RNF115: variants seen among roughly 807,000 people sequenced by gnomAD.
RNF115 encodes ring finger protein 115.
In RNF115, 31 loss-of-function variants were observed where a neutral mutation model predicts 39.2. That is an observed-to-expected ratio of 0.79 (90% CI 0.59 to 1.07). The LOEUF (loss-of-function observed/expected upper bound fraction) is 1.07. Ranked by LOEUF, RNF115 falls within the 50% of genes least tolerant of loss-of-function variation. The pLI, the probability that RNF115 is intolerant of heterozygous loss-of-function variation, is 0.00. For missense variants in RNF115, 384 were observed against 381.7 expected (o/e 1.01, Z -0.05); for synonymous variants, 124 against 131.0 (o/e 0.95, Z 0.37).
At position 145,751,524 on chromosome 1, in the gene RNF115, G is replaced by A. The variant is rs782464079; in HGVS notation, c.501-14C>T. The A allele has an allele frequency of 6.3e-7, 1 of 1,579,048 alleles. No homozygotes were observed. Among genetic ancestry groups the A allele is most frequent in the South Asian group, 1.1e-5 (1 of 87,026 alleles). On this transcript the variant is annotated splice_polypyrimidine_tract_variant and intron_variant, in intron 5 of 8. Coordinates refer to ENST00000582693, the MANE Select transcript of RNF115 (RefSeq NM_014455.4). ...AGCATCCCGCTCCTATACGTGAGAT[G>A]AGATAGACAGCATTAGATGGAGTGA...
At chr1:145,755,939 C>T (rs1027770427) in intron 4 of RNF115, among the ~76,000 whole-genome samples, 2 of 152,084 alleles carry the variant, frequency 1.3e-5, no homozygotes. Flanking sequence ...TTTGAAAGTA[C>T]CTCCTGGCTT....
At chr1:145,777,535 A>T (rs926949905) in intron 3 of RNF115, among the ~76,000 whole-genome samples, 9 of 152,156 alleles carry the variant, frequency 5.9e-5, no homozygotes, top group African/African-American at 2.2e-4. Flanking sequence ...ACACCTCACA[A>T]ATTTATACCA....
At chr1:145,767,932 A>T (rs1290575795) in intron 4 of RNF115, among the ~76,000 whole-genome samples, 2 of 107,530 alleles carry the variant, frequency 1.9e-5, no homozygotes, top group African/African-American at 4.1e-5. Context: ...AGCACAGTCC[A>T]GCTTCGGCTC....
At chr1:145,766,330 G>C (rs1351521518) in intron 4 of RNF115, among the ~76,000 whole-genome samples, 11 of 152,274 alleles carry the variant, frequency 7.2e-5, no homozygotes, top group Non-Finnish European at 1.6e-4. Context: ...CAGATCAACA[G>C]GATCCTAAGG....
At chr1:145,754,032 G>A (rs145979579) in intron 4 of RNF115, among the ~76,000 whole-genome samples, 2 of 152,114 alleles carry the variant, frequency 1.3e-5, no homozygotes, top group Admixed American at 1.3e-4. Context: ...TTAAGTCCCT[G>A]GTTCCCACTT....
chr1:145,771,919 G>A lies in RNF115; in HGVS notation c.220C>T (p.Leu74Phe), dbSNP rs1482523219. Residue 74 changes from leucine to phenylalanine, a missense_variant and splice_region_variant, in exon 4 of 9, where the codon CTT becomes TTT. Coordinates refer to ENST00000582693, the MANE Select transcript of RNF115 (RefSeq NM_014455.4). Reference sequence around the variant, plus strand: ...ATCGTGTGATCCAAATGGCCCCAAAGCTAGTAAAGACCAGAAATAAGTCAC... The same window carrying A: ...ATCGTGTGATCCAAATGGCCCCAAAACTAGTAAAGACCAGAAATAAGTCAC... ...DNTTTTHFAE[L>F]WGHLDHTMFF... The A allele has an allele frequency of 6.2e-7, 1 of 1,611,828 alleles. No individual in the cohort carries two copies.
rs587684744 is a variant in RNF115 at position 145,777,581 on chromosome 1, T to C, written c.220-5662A>G. 9.9e-5 allele frequency among the ~76,000 whole-genome samples: 15 copies of C among 152,250 alleles called. No homozygotes were observed. The South Asian group carries it at 2.9e-3, about 30-fold the overall frequency. ...AAGGATAAAAATAGCTTCAGGTCAT[T>C]TGTCTCTGAGTAGACTTAGATAAGC... On this transcript the variant is annotated intron_variant, in intron 3 of 8. Transcript: ENST00000582693.
chr1:145,777,086 C>G (rs1266766705), intron 3 of RNF115, among the ~76,000 whole-genome samples: 2 of 152,120 alleles, frequency 1.3e-5, no homozygotes, highest in Admixed American at 1.3e-4. Context: ...TGAAAAAGTA[C>G]GAGCAGACTC....
At chr1:145,768,180 C>T (rs1404895313) in intron 4 of RNF115, among the ~76,000 whole-genome samples, 2 of 152,250 alleles carry the variant, frequency 1.3e-5, no homozygotes, top group Non-Finnish European at 2.9e-5. Flanking sequence ...CACTTTCACT[C>T]TTCTCCGCTC....
At chr1:145,818,637 G>GT (rs1650090466) in intron 1 of RNF115, among the ~76,000 whole-genome samples, 2 of 130,426 alleles carry the variant, frequency 1.5e-5, no homozygotes, top group African/African-American at 5.4e-5. Flanking sequence ...CTAGGATACA[G>GT]TTAAAGCAGT....
chr1:145,796,442 T>C (rs587596593), intron 1 of RNF115, among the ~76,000 whole-genome samples: 4 of 136,262 alleles, frequency 2.9e-5, no homozygotes, highest in African/African-American at 8.3e-5. Flanking sequence ...TTTTTTTTTT[T>C]CTGAGACAGG....
chr1:145,797,156 A>C (rs1284296460), intron 1 of RNF115, among the ~76,000 whole-genome samples: 1 of 152,052 alleles, frequency 6.6e-6, no homozygotes, highest in Admixed American at 6.5e-5. Context: ...TCTCTTCCTT[A>C]TCTCTCCCTA....
At chr1:145,820,326 G>A (rs182396429) in intron 1 of RNF115, among the ~76,000 whole-genome samples, 22 of 152,104 alleles carry the variant, frequency 1.4e-4, no homozygotes, top group Non-Finnish European at 2.6e-4. Context: ...AATTAGCCAG[G>A]CATGGTGGAA....
chr1:145,755,429 G>T (rs1386288400), intron 4 of RNF115, among the ~76,000 whole-genome samples: 1 of 152,060 alleles, frequency 6.6e-6, no homozygotes, highest in Non-Finnish European at 1.5e-5. Context: ...CTATACTGCA[G>T]CAATGGCCAA....
chr1:145,811,928 T>TAC (rs1228905170), intron 1 of RNF115, among the ~76,000 whole-genome samples: 14 of 113,526 alleles, frequency 1.2e-4, no homozygotes, highest in African/African-American at 2.8e-4. Flanking sequence ...TATATATATA[T>TAC]ATATACACAC....
At chr1:145,811,934 C>T (rs868930060) in intron 1 of RNF115, among the ~76,000 whole-genome samples, 233 of 99,520 alleles carry the variant, frequency 2.3e-3, no homozygotes, top group African/African-American at 6.9e-3. Flanking sequence ...TATATATATA[C>T]ACACACACAC....
At chr1:145,777,461 T>C (rs587744711) in intron 3 of RNF115, among the ~76,000 whole-genome samples, 185 of 152,280 alleles carry the variant, frequency 1.2e-3, no homozygotes, top group African/African-American at 4.4e-3. Context: ...GTCAATGTAT[T>C]TGTGGCCTAT....
rs1657912626 is a variant in RNF115 at position 145,747,336 on chromosome 1, C to T, written c.784-339G>A. Among the ~76,000 whole-genome samples, 3 of 152,238 alleles carry T rather than the reference C, an allele frequency of 2.0e-5. No individual in the cohort carries two copies. In the South Asian group the frequency reaches 6.2e-4, roughly 32 times the overall value. On this transcript the variant is annotated intron_variant, in intron 8 of 8. Transcript: ENST00000582693. Reference sequence around the variant, plus strand: ...TCCCAATATGGTCTAGAGCAGAGGTCAGCAAACTTTTTGTTTAAAGGGACA... The same window carrying T: ...TCCCAATATGGTCTAGAGCAGAGGTTAGCAAACTTTTTGTTTAAAGGGACA...
chr1:145,767,622 A>AG (rs1274841590), intron 4 of RNF115, among the ~76,000 whole-genome samples: 1 of 151,890 alleles, frequency 6.6e-6, no homozygotes, highest in Non-Finnish European at 1.5e-5. Context: ...CAAGGCAGGC[A>AG]GCTGGGAGGT....
Sources: allele counts gnomAD v4.1 joint callset (sites outside exome capture counted in the v4.1 genomes callset), GRCh38; gene constraint gnomAD v4.1.1; transcripts MANE v1.5; gene names NCBI Gene and HGNC (gene_info 2026-07-23, HGNC 2026-07-21).